The following DLG2 variants were observed in gnomAD, a reference collection of about 807,000 sequenced individuals.
DLG2 encodes disks large homolog 2.
A neutral mutation model predicts 132.5 loss-of-function variants in DLG2; 45 were observed. That is an observed-to-expected ratio of 0.34 (90% CI 0.27 to 0.44). DLG2 has a LOEUF of 0.44. Among genes scored for constraint, DLG2 ranks in the 20% least tolerant of loss-of-function variants. The probability of loss-of-function intolerance (pLI) is 1.00; values close to 1 mark genes in which losing one functional copy is unlikely to be tolerated. For synonymous variants in DLG2, 424 were observed against 419.6 expected (o/e 1.01, Z -0.13); for missense variants, 1,045 against 1,196.9 (o/e 0.87, Z 1.87).
chr11:83,600,944 G>A (rs555305579), intron 19 of DLG2, among the ~76,000 whole-genome samples: 1 of 152,182 alleles, frequency 6.6e-6, no homozygotes, highest in Non-Finnish European at 1.5e-5. Context: ...GTCTGTTCTG[G>A]TATTGAGGGA....
rs185029855 is a variant in DLG2, at chr11:84,196,255, T to C, written c.574-32744A>G. The stretch of plus-strand genomic sequence containing the variant: ...TGTCATAAAACATGGTCCCCTTTGC[T>C]ATCTGACTCAAGAGACAAGAAACAA... On this transcript the variant is annotated intron_variant, in intron 8 of 27. Transcript: ENST00000376104. Among the ~76,000 whole-genome samples, 357 of 152,310 alleles carry C rather than the reference T, an allele frequency of 2.3e-3. 2 individuals are homozygous for C. Among genetic ancestry groups the C allele is most frequent in the African/African-American group, 8.3e-3 (346 of 41,576 alleles).
At chr11:84,432,883 C>T (rs2098988978) in intron 7 of DLG2, among the ~76,000 whole-genome samples, 1 of 152,022 alleles carries the variant, frequency 6.6e-6, no homozygotes, top group East Asian at 1.9e-4. Context: ...AATTAGTCAG[C>T]TGTGGTGGCA....
At chr11:85,446,312 A>G (rs1362613343) in intron 3 of DLG2, among the ~76,000 whole-genome samples, 1 of 152,214 alleles carries the variant, frequency 6.6e-6, no homozygotes, top group Non-Finnish European at 1.5e-5. Flanking sequence ...ATCAATTAGC[A>G]CAAGAATAAC....
At chr11:85,198,485 A>C (rs867449113) in intron 4 of DLG2, among the ~76,000 whole-genome samples, 2 of 152,318 alleles carry the variant, frequency 1.3e-5, no homozygotes, top group African/African-American at 4.8e-5. Context: ...GAACTAAATC[A>C]ATTTATATAT....
At chr11:84,711,909 AT>A (rs1329525321) in intron 6 of DLG2, among the ~76,000 whole-genome samples, 1 of 152,074 alleles carries the variant, frequency 6.6e-6, no homozygotes, top group East Asian at 1.9e-4. Flanking sequence ...CCTAGTCTTT[AT>A]TTCAGGGATC....
At chr11:85,017,412 G>A (rs1417344731) in intron 6 of DLG2, among the ~76,000 whole-genome samples, 2 of 149,520 alleles carry the variant, frequency 1.3e-5, no homozygotes, top group East Asian at 3.9e-4. Context: ...CTACTTTGTT[G>A]AAATTTGCTC....
intron 6 of DLG2, among the ~76,000 whole-genome samples, chr11:85,084,686 T>G (rs1034234430): frequency 3.9e-5 from 6 of 152,080 alleles, no homozygotes; most frequent in Non-Finnish European, 8.8e-5. Context: ...TCATGGTAAA[T>G]CCATATCTCC....
At chr11:85,320,288 TAAAGCTCAGAG>T (rs1416940630) in intron 3 of DLG2, among the ~76,000 whole-genome samples, 7 of 151,950 alleles carry the variant, frequency 4.6e-5, no homozygotes, top group Admixed American at 2.6e-4. Context: ...ATAACAAAGC[TAAAGCTCAGAG>T]AAATTAAGCA....
At chr11:85,010,172 G>A (rs915423239) in intron 6 of DLG2, among the ~76,000 whole-genome samples, 16 of 152,012 alleles carry the variant, frequency 1.1e-4, no homozygotes, top group Admixed American at 6.6e-5. Context: ...GTGATTATCA[G>A]TAAAGTGAAA....
At chr11:84,957,372 T>A (rs1035594206) in intron 6 of DLG2, among the ~76,000 whole-genome samples, 1 of 152,256 alleles carries the variant, frequency 6.6e-6, no homozygotes, top group African/African-American at 2.4e-5. Flanking sequence ...CATCTATTTA[T>A]AATTTAGTCC....
chr11:83,620,869 C>CAAAAAAAAAAAA lies in DLG2; in HGVS notation c.1940+12330_1940+12341dup, dbSNP rs56868518. 3.3e-4 allele frequency among the ~76,000 whole-genome samples: 19 copies of CAAAAAAAAAAAA among 57,216 alleles called. 1 individual carries two copies. The highest frequency in any genetic ancestry group is 1.7e-3 in the African/African-American group (17 of 10,102). 37.5% of individuals were successfully genotyped at this position (57,216 alleles called of 152,430 possible). On this transcript the variant is annotated intron_variant, in intron 19 of 27. Transcript: ENST00000376104. ...TGGGCGACAGAGCGAGACTCCGTCT[C>CAAAAAAAAAAAA]AAAAAAAAAAAAAAAAAAAAAAAAA...
At chr11:84,611,199 T>C (rs1212488507) in intron 6 of DLG2, among the ~76,000 whole-genome samples, 2 of 152,188 alleles carry the variant, frequency 1.3e-5, no homozygotes. Flanking sequence ...TTAATAGTTT[T>C]GTCCTTAGTA....
intron 7 of DLG2, among the ~76,000 whole-genome samples, chr11:84,289,601 C>G (rs566538031): frequency 6.6e-6 from 1 of 152,034 alleles, no homozygotes; most frequent in Non-Finnish European, 1.5e-5. Context: ...GGCTTTACCC[C>G]AAGATTCTGA....
At chr11:84,596,184 T>TTCTG (rs1467291087) in intron 6 of DLG2, among the ~76,000 whole-genome samples, 1 of 139,868 alleles carries the variant, frequency 7.1e-6, no homozygotes, top group Non-Finnish European at 1.5e-5. Flanking sequence ...TTTCCTTCTT[T>TTCTG]TCTCTGTCTC....
chr11:84,030,103 G>A (rs10792706), intron 11 of DLG2, among the ~76,000 whole-genome samples: 98,133 of 151,662 alleles, frequency 0.65, 34,032 homozygotes, highest in Non-Finnish European at 0.78. Context: ...CCAAATAAAT[G>A]AGTGTTTTGA....
At chr11:84,940,187 G>A (rs971318552) in intron 6 of DLG2, among the ~76,000 whole-genome samples, 1 of 152,126 alleles carries the variant, frequency 6.6e-6, no homozygotes, top group Non-Finnish European at 1.5e-5. Flanking sequence ...CTCTTGCTCT[G>A]TCTCCCAGGC....
chr11:83,777,927 C>T (rs939800951), intron 18 of DLG2, among the ~76,000 whole-genome samples: 1 of 152,078 alleles, frequency 6.6e-6, no homozygotes, highest in Admixed American at 6.5e-5. Flanking sequence ...TCTCTTGAAC[C>T]ACCTTAATTA....
intron 18 of DLG2, among the ~76,000 whole-genome samples, chr11:83,713,475 T>C (rs2085965930): frequency 1.3e-5 from 2 of 152,084 alleles, no homozygotes; most frequent in South Asian, 4.1e-4. Context: ...TATTTAAATG[T>C]AGGGTTCATG....
At chr11:84,631,002 TCTCTCTCTCTCTCTCTCA>T (rs1445955818) in intron 6 of DLG2, among the ~76,000 whole-genome samples, 2 of 127,678 alleles carry the variant, frequency 1.6e-5, no homozygotes, top group Non-Finnish European at 3.3e-5. Context: ...TCTCTCTCTC[TCTCTCTCTCTCTCTCTCA>T]CACACACACA....
Sources: allele counts gnomAD v4.1 joint callset (sites outside exome capture counted in the v4.1 genomes callset), GRCh38; gene constraint gnomAD v4.1.1; transcripts MANE v1.5; gene names NCBI Gene and HGNC (gene_info 2026-07-23, HGNC 2026-07-21).